Variants in SPATS2L observed in about 807,000 individuals in gnomAD.
SPATS2L encodes the protein SPATS2-like protein.
SPATS2L carries 30 observed loss-of-function variants against 59.6 expected under a neutral mutation model. The observed-to-expected ratio is 0.50, with a 90% CI of 0.38 to 0.68. The LOEUF is 0.68. SPATS2L is among the 30% of genes least tolerant of loss of function. The pLI, the probability that SPATS2L is intolerant of heterozygous loss-of-function variation, is 0.00. For synonymous variants in SPATS2L, 252 were observed against 263.5 expected (o/e 0.96, Z 0.42); for missense variants, 615 against 700.0 (o/e 0.88, Z 1.37).
chr2:200,473,721 C>T (rs188102398), intron 12 of SPATS2L, among the ~76,000 whole-genome samples: 7 of 152,226 alleles, frequency 4.6e-5, no homozygotes, highest in African/African-American at 7.2e-5. Context: ...TGGGATCTGC[C>T]GGATGCAATG....
At chr2:200,328,554 C>G (rs1272270707) in intron 1 of SPATS2L, among the ~76,000 whole-genome samples, 2 of 152,154 alleles carry the variant, frequency 1.3e-5, no homozygotes, top group African/African-American at 4.8e-5. Flanking sequence ...GAGCCAGGAA[C>G]AGCATCTCGT....
intron 3 of SPATS2L, among the ~76,000 whole-genome samples, chr2:200,410,996 G>C (rs543895611): frequency 1.3e-5 from 2 of 149,534 alleles, no homozygotes; most frequent in African/African-American, 4.9e-5. Flanking sequence ...ATTTGTATGT[G>C]TGTGACTCAC....
At chr2:200,465,023 T>C (rs2086495253) in intron 9 of SPATS2L, among the ~76,000 whole-genome samples, 1 of 152,234 alleles carries the variant, frequency 6.6e-6, no homozygotes, top group African/African-American at 2.4e-5. Context: ...ATTCATTGAA[T>C]TCTTCACTCA....
At chr2:200,364,481 G>A (rs2081205599) in intron 2 of SPATS2L, among the ~76,000 whole-genome samples, 1 of 152,122 alleles carries the variant, frequency 6.6e-6, no homozygotes, top group Admixed American at 6.5e-5. Context: ...GTTGCCGATG[G>A]ACTTCTTTCT....
At chr2:200,409,649 T>C (rs2082807256) in intron 3 of SPATS2L, among the ~76,000 whole-genome samples, 1 of 152,224 alleles carries the variant, frequency 6.6e-6, no homozygotes, top group Non-Finnish European at 1.5e-5. Flanking sequence ...TATCCAAGTA[T>C]AAGCAGAAAC....
chr2:200,352,313 TTATATATATATA>T (rs869105613), intron 2 of SPATS2L, among the ~76,000 whole-genome samples: 1 of 8,652 alleles, frequency 1.2e-4, no homozygotes, highest in Non-Finnish European at 5.9e-4. Context: ...CCAGCAGTTT[TTATATATATATA>T]TATATATATA....
intron 2 of SPATS2L, among the ~76,000 whole-genome samples, chr2:200,362,668 A>G (rs1419855185): frequency 1.3e-5 from 2 of 152,192 alleles, no homozygotes; most frequent in Non-Finnish European, 2.9e-5. Flanking sequence ...ACCCAGGTAG[A>G]AGGAAGTAAT....
chr2:200,447,874 G>A (rs1431290650), intron 8 of SPATS2L, among the ~76,000 whole-genome samples: 1 of 152,196 alleles, frequency 6.6e-6, no homozygotes, highest in Admixed American at 6.5e-5. Context: ...TATCAGGAAT[G>A]TGTTAAACAA....
At chr2:200,390,771 T>G (rs747015544) in intron 3 of SPATS2L, 6 of 151,730 alleles carry the variant, frequency 4.0e-5, no homozygotes, top group Non-Finnish European at 7.4e-5. Context: ...TCCATGAATG[T>G]AGATGAGAAC....
intron 6 of SPATS2L, among the ~76,000 whole-genome samples, chr2:200,428,060 C>T (rs1045673256): frequency 2.8e-5 from 4 of 141,022 alleles, no homozygotes; most frequent in African/African-American, 7.9e-5. Context: ...ACAGCGAGAC[C>T]GTGTCTCAAA....
upstream of SPATS2L, chr2:200,306,621 AGGCGGGCGGGTC>A (rs1348736430): frequency 1.2e-5 from 11 of 947,750 alleles, no homozygotes; most frequent in East Asian, 3.6e-4. Flanking sequence ...ACCGAGGGGA[AGGCGGGCGGGTC>A]GGCGGGCGGG....
chr2:200,378,222 C>G lies in SPATS2L; in HGVS notation c.-22-11001C>G. ...CTACCCTGGTTTCTGGCTCCACATT[C>G]GTCACTATTGAGATGACTTACTGGT... On this transcript the variant is annotated intron_variant, in intron 2 of 12. Coordinates refer to ENST00000409140, the MANE Select transcript of SPATS2L (RefSeq NM_001100423.2). 5.0e-6 allele frequency: 5 copies of G among 1,001,908 alleles called. 1 individual carries two copies. Among genetic ancestry groups the G allele is most frequent in the African/African-American group, 1.7e-5 (1 of 57,416 alleles). 62.1% of individuals were successfully genotyped at this position (1,001,908 alleles called of 1,614,324 possible). A position where few individuals can be genotyped will look rare whatever the true frequency, so the allele number is the denominator to read the frequency against.
chr2:200,480,615 C>A lies in SPATS2L; in HGVS notation c.*2584C>A. ...CGAACTCCGGAGCTCAAGTGATCTT[C>A]CTGCTTTGGCCTCCCAAAGTGTTAG... On this transcript the variant is annotated 3_prime_UTR_variant, in exon 13 of 13. Transcript: ENST00000409140. 1 of 152,604 alleles carries A rather than the reference C, an allele frequency of 6.6e-6. No homozygotes were observed. The highest frequency in any genetic ancestry group is 2.0e-4 in the South Asian group (1 of 5,070). 9.5% of individuals were successfully genotyped at this position (152,604 alleles called of 1,614,324 possible).
chr2:200,404,555 A>G (rs1258444594), intron 3 of SPATS2L, among the ~76,000 whole-genome samples: 1 of 152,134 alleles, frequency 6.6e-6, no homozygotes, highest in African/African-American at 2.4e-5. Flanking sequence ...AAAAGGTAAT[A>G]GTTGGTGGGA....
chr2:200,462,427 G>A (rs2086304450), intron 9 of SPATS2L, among the ~76,000 whole-genome samples: 1 of 152,230 alleles, frequency 6.6e-6, no homozygotes, highest in Non-Finnish European at 1.5e-5. Flanking sequence ...TTTCAGGCTA[G>A]CTGAAACTGC....
intron 10 of SPATS2L, 87 bp from the exon 11 acceptor site, chr2:200,469,827 C>T: frequency 1.0e-6 from 1 of 995,200 alleles, no homozygotes; most frequent in Non-Finnish European, 1.5e-6. Context: ...GCAGTGGACA[C>T]CGGAAGAGCA....
At chr2:200,409,090 T>C (rs767367119) in intron 3 of SPATS2L, among the ~76,000 whole-genome samples, 4 of 152,212 alleles carry the variant, frequency 2.6e-5, no homozygotes, top group Non-Finnish European at 4.4e-5. Context: ...AAACGGTGGC[T>C]TAGGTGTTAG....
intron 10 of SPATS2L, among the ~76,000 whole-genome samples, chr2:200,468,111 C>T (rs1334667389): frequency 1.3e-5 from 2 of 151,938 alleles, no homozygotes; most frequent in Non-Finnish European, 1.5e-5. Flanking sequence ...CCACTTGGCT[C>T]GGATCCCTAA....
chr2:200,412,765 G>A (rs997049534), intron 4 of SPATS2L, among the ~76,000 whole-genome samples: 45 of 152,138 alleles, frequency 3.0e-4, no homozygotes, highest in African/African-American at 9.7e-4. Flanking sequence ...AATATTAAAT[G>A]TGTCCTTGGC....
Sources: allele counts gnomAD v4.1 joint callset (sites outside exome capture counted in the v4.1 genomes callset), GRCh38; gene constraint gnomAD v4.1.1; transcripts MANE v1.5; gene names NCBI Gene and HGNC (gene_info 2026-07-23, HGNC 2026-07-21).